Variants in PCDH15 observed in about 807,000 individuals in gnomAD.
PCDH15 encodes the protein protocadherin-15.
A neutral mutation model predicts 178.5 loss-of-function variants in PCDH15; 129 were observed. The observed-to-expected ratio is 0.72, with a 90% CI of 0.63 to 0.84. The LOEUF (loss-of-function observed/expected upper bound fraction) is 0.84. Ranked by LOEUF, PCDH15 falls within the 40% of genes least tolerant of loss-of-function variation. PCDH15 has a pLI of 0.00. For missense variants in PCDH15, 2,230 were observed against 2,099.9 expected, an observed-to-expected ratio of 1.06 and a Z score of -1.21; for synonymous variants, 800 against 732.0, an observed-to-expected ratio of 1.09 and a Z score of -1.50.
intron 1 of PCDH15, among the ~76,000 whole-genome samples, chr10:55,258,810 A>C (rs1017969152): frequency 6.8e-6 from 1 of 147,328 alleles, no homozygotes; most frequent in African/African-American, 2.5e-5. Context: ...TCTGGTCTGA[A>C]AGATTGAAAC....
chr10:54,273,577 A>G (rs1482313668), intron 8 of PCDH15, among the ~76,000 whole-genome samples: 2 of 152,152 alleles, frequency 1.3e-5, no homozygotes, highest in African/African-American at 2.4e-5. Context: ...TTTTGAATAT[A>G]TAAAATAGAG....
At chr10:54,428,691 G>C (rs1193363424) in intron 3 of PCDH15, among the ~76,000 whole-genome samples, 2 of 152,130 alleles carry the variant, frequency 1.3e-5, no homozygotes, top group African/African-American at 4.8e-5. Context: ...AAAGCAGCAA[G>C]AGAACAAACA....
chr10:54,606,100 C>G (rs2092728412), intron 2 of PCDH15: 1 of 152,128 alleles, frequency 6.6e-6, no homozygotes, highest in Non-Finnish European at 1.5e-5. Flanking sequence ...GAAGCCAGAC[C>G]TCAGGTAGGA....
intron 2 of PCDH15, among the ~76,000 whole-genome samples, chr10:55,112,490 A>T (rs1363086692): frequency 6.6e-6 from 1 of 152,146 alleles, no homozygotes; most frequent in East Asian, 1.9e-4. Flanking sequence ...GAGTAAAAGG[A>T]GAGAGAGAAA....
Position 54,125,843 on chromosome 10 carries a change from T to G in PCDH15, c.1917+7032A>C, listed in dbSNP as rs186971289. 1.0e-3 allele frequency among the ~76,000 whole-genome samples: 158 copies of G among 152,212 alleles called. 1 individual carries two copies. Among genetic ancestry groups the G allele is most frequent in the Non-Finnish European group, 1.1e-3 (75 of 68,020 alleles). On this transcript the variant is annotated intron_variant, in intron 15 of 37. Coordinates refer to ENST00000644397, the MANE Select transcript of PCDH15 (RefSeq NM_001384140.1). ...ATCTATATCTTCAGCATCCAAAGTG[T>G]CAGTTTGTTCTTTAAATTGCAATTG...
chr10:54,572,609 G>T (rs1007247190), intron 2 of PCDH15, among the ~76,000 whole-genome samples: 3 of 152,074 alleles, frequency 2.0e-5, no homozygotes, highest in Non-Finnish European at 4.4e-5. Flanking sequence ...CCTGGCCTAT[G>T]AAAATGTATT....
intron 3 of PCDH15, among the ~76,000 whole-genome samples, chr10:54,823,387 T>C (rs1020514649): frequency 2.6e-5 from 4 of 152,156 alleles, no homozygotes; most frequent in Admixed American, 1.3e-4. Flanking sequence ...ATTATTATTC[T>C]ACAGCAAGAA....
chr10:53,976,956 C>T (rs2090234452), intron 21 of PCDH15, among the ~76,000 whole-genome samples: 1 of 151,370 alleles, frequency 6.6e-6, no homozygotes, highest in African/African-American at 2.4e-5. Context: ...CAACGAGATA[C>T]AAGACCCTTC....
intron 10 of PCDH15, among the ~76,000 whole-genome samples, chr10:54,198,715 A>C: frequency 1.1e-5 from 1 of 95,194 alleles, no homozygotes. Flanking sequence ...TTTAGCCGGG[A>C]TGGTCTCGAT....
chr10:55,150,947 C>A (rs1231716822), intron 2 of PCDH15, among the ~76,000 whole-genome samples: 1 of 152,062 alleles, frequency 6.6e-6, no homozygotes, highest in African/African-American at 2.4e-5. Context: ...CTGTGGAATT[C>A]CAATTTCACA....
At chr10:54,752,321 C>T (rs1946353492) in intron 1 of PCDH15, among the ~76,000 whole-genome samples, 1 of 150,982 alleles carries the variant, frequency 6.6e-6, no homozygotes, top group Non-Finnish European at 1.5e-5. Context: ...CTAAAAATTA[C>T]AAAAAATTAG....
rs376170973 is a variant in PCDH15, at chr10:54,171,214, T to C, written c.1590+12230A>G. On this transcript the variant is annotated intron_variant, in intron 13 of 37. Transcript: ENST00000644397. ...CAAGCAGTTTTTCAGGCTCTTAATA[T>C]TCAGTGAAACCTTTATATCCCTTAC... is the stretch of plus-strand genomic sequence containing the variant. Among the ~76,000 whole-genome samples, 21 of 152,170 alleles carry C rather than the reference T, an allele frequency of 1.4e-4. No homozygotes were observed. The East Asian group carries it at 2.5e-3, about 18-fold the overall frequency.
chr10:55,303,992 G>A (rs1843356338), intron 1 of PCDH15, among the ~76,000 whole-genome samples: 1 of 151,994 alleles, frequency 6.6e-6, no homozygotes, highest in South Asian at 2.1e-4. Context: ...ATTAATTTGA[G>A]AGGTTTTCCT....
At chr10:55,125,163 T>TTTTGTGTGTGTGTGTGTGTG (rs1554833072) in intron 2 of PCDH15, among the ~76,000 whole-genome samples, 1 of 142,980 alleles carries the variant, frequency 7.0e-6, no homozygotes, top group Non-Finnish European at 1.5e-5. Context: ...TTTTTTTTAA[T>TTTTGTGTGTGTGTGTGTGTG]TGTGTGTGTG....
intron 13 of PCDH15, among the ~76,000 whole-genome samples, chr10:54,166,969 T>C (rs1359923256): frequency 1.3e-5 from 2 of 152,190 alleles, no homozygotes; most frequent in Non-Finnish European, 1.5e-5. Context: ...TTGACTGTAA[T>C]TTTCCTTTAC....
At chr10:54,494,119 GA>G (rs2079883470) in intron 3 of PCDH15, among the ~76,000 whole-genome samples, 1 of 151,552 alleles carries the variant, frequency 6.6e-6, no homozygotes, top group South Asian at 2.1e-4. Context: ...ATAGCATTAG[GA>G]GATATACCTA....
Position 53,846,685 on chromosome 10 carries a change from T to A in PCDH15, c.3807-6189A>T, listed in dbSNP as rs568589059. On this transcript the variant is annotated intron_variant, in intron 28 of 37. Transcript: ENST00000644397. ...CAGCATTACCTTATCCAGTTACCTG[T>A]ATATACATCTTCAATTAGTTTCAAC... Among the ~76,000 whole-genome samples, 16 of 152,158 alleles carry A rather than the reference T, an allele frequency of 1.1e-4. No individual in the cohort carries two copies. In the South Asian group the frequency reaches 3.3e-3, roughly 32 times the overall value.
Position 54,041,113 on chromosome 10 carries a change from A to G in PCDH15, c.2221-17916T>C, listed in dbSNP as rs564628831. Among the ~76,000 whole-genome samples, 47 of 152,256 alleles carry G rather than the reference A, an allele frequency of 3.1e-4. No individual in the cohort carries two copies. The South Asian group carries it at 4.3e-3, about 14-fold the overall frequency. The stretch of plus-strand genomic sequence containing the variant: ...AAGAAAGCAAGAAAGTTGGATGTTG[A>G]ATGCAGATGCCAATGCAGTGCCACA... On this transcript the variant is annotated intron_variant, in intron 18 of 37. Transcript: ENST00000644397.
intron 1 of PCDH15, among the ~76,000 whole-genome samples, chr10:54,771,493 A>T (rs1017057380): frequency 6.6e-6 from 1 of 152,124 alleles, no homozygotes; most frequent in Non-Finnish European, 1.5e-5. Context: ...CTAAAATCTA[A>T]TAGTTCAAGC....
Sources: gnomAD v4.1 joint callset for allele counts (sites outside exome capture counted in the v4.1 genomes callset) on GRCh38, gnomAD v4.1.1 for gene constraint, MANE v1.5 for transcripts, NCBI Gene and HGNC (gene_info 2026-07-23, HGNC 2026-07-21) for gene names.